Variants in NUBP2 observed in about 807,000 individuals in gnomAD.
NUBP2 encodes the protein NUBP iron-sulfur cluster assembly factor 2, cytosolic, also known as cytosolic Fe-S cluster assembly factor NUBP2.
A neutral mutation model predicts 24.9 loss-of-function variants in NUBP2; 23 were observed. The ratio of observed to expected loss-of-function variants is 0.92; its 90% confidence interval spans 0.66 to 1.31. The LOEUF (loss-of-function observed/expected upper bound fraction) is 1.31, where lower values mean the gene tolerates loss of function less well. Among genes scored for constraint, NUBP2 ranks in the 50% most tolerant of loss-of-function variants. NUBP2 has a pLI of 0.00. For missense variants in NUBP2, 403 were observed against 386.5 expected, an observed-to-expected ratio of 1.04 and a Z score of -0.36; for synonymous variants, 186 against 170.9, an observed-to-expected ratio of 1.09 and a Z score of -0.69.
rs924176784 is a variant in NUBP2 at position 1,783,036 on chromosome 16, G to C, written c.16G>C (p.Glu6Gln). 3 of 1,360,294 alleles carry C rather than the reference G, an allele frequency of 2.2e-6. No individual in the cohort carries two copies. The highest frequency in any genetic ancestry group is 1.6e-5 in the South Asian group (1 of 61,694). The allele number at this position is 1,360,294 out of a possible 1,614,324, so 84.3% of individuals were successfully genotyped here. A position where few individuals can be genotyped will look rare whatever the true frequency, so the allele number is the denominator to read the frequency against. MEAAA[E>Q]PGNLAGVRHI... The stretch of plus-strand genomic sequence containing the variant: ...AGGCGGCGGGATGGAGGCGGCGGCC[G>C]GTGAGTGGCGGGCCAGGGTGCGGAG... The change falls in exon 1 of 7, where the codon GAG becomes CAG. Residue 6 changes from glutamate (E) to glutamine (Q), a missense_variant and splice_region_variant. Coordinates refer to ENST00000262302, the MANE Select transcript of NUBP2 (RefSeq NM_012225.4).
chr16:1,786,977 C>G, intron 3 of NUBP2, 22 bp downstream of exon 3: 1 of 1,503,582 alleles, frequency 6.7e-7, no homozygotes, highest in Non-Finnish European at 8.9e-7. Flanking sequence ...GCGGCGCGTC[C>G]GCCGTCCTGG....
At chr16:1,787,067 C>T (rs1225041239) in intron 3 of NUBP2, 112 bp downstream of exon 3, 2 of 1,030,950 alleles carry the variant, frequency 1.9e-6, no homozygotes, top group African/African-American at 3.2e-5. Flanking sequence ...TGGGGACCTG[C>T]ACATGACACC....
Position 1,786,641 on chromosome 16 carries a change from C to T in NUBP2, c.121C>T (p.His41Tyr). The T allele has an allele frequency of 4.3e-6, 7 of 1,612,792 alleles. No homozygotes were observed. Among genetic ancestry groups the T allele is most frequent in the Non-Finnish European group, 5.1e-6 (6 of 1,179,906 alleles). ...ISTELALALR[H>Y]AGKKVGILDV... is the part of the protein sequence containing the mutation. ...CACGGAGCTGGCCCTGGCACTGCGC[C>T]ATGCAGGCAAGAAGGTGAGCGCCCT... is the stretch of plus-strand genomic sequence containing the variant. Residue 41 changes from histidine to tyrosine, a missense_variant, in exon 2 of 7, where the codon CAT becomes TAT. Transcript: ENST00000262302.
At chr16:1,786,465 G>C in intron 1 of NUBP2, 72 bp from the exon 2 acceptor site, 1 of 1,330,096 alleles carries the variant, frequency 7.5e-7, no homozygotes. Flanking sequence ...GCAAGAGGCA[G>C]TGGGTGACCC....
At chr16:1,783,182 C>T (rs1314363399) in intron 1 of NUBP2, 146 bp downstream of exon 1, 44 of 1,178,962 alleles carry the variant, frequency 3.7e-5, no homozygotes, top group Admixed American at 4.6e-5. Context: ...GAGGCCGCGG[C>T]GCGGGCATTT....
chr16:1,788,199 CCTT>C lies in NUBP2; in HGVS notation c.666_668del (p.Phe222del). 1 of 1,492,644 alleles carries C rather than the reference CCTT, an allele frequency of 6.7e-7. No individual in the cohort carries two copies. The highest frequency in any genetic ancestry group is 8.9e-7 in the Non-Finnish European group (1 of 1,124,764). 92.5% of individuals were successfully genotyped at this position (1,492,644 alleles called of 1,614,324 possible). ...GAGCTGGCCCAGCTCGCCGGGGTGC[CCTT>C]CTTAGGTGAGTGTCCCAAGCTGGTG... On this transcript the variant is annotated inframe_deletion, in exon 6 of 7. Transcript: ENST00000262302.
intron 1 of NUBP2, chr16:1,784,800 G>A (rs1167933455): frequency 6.6e-6 from 1 of 151,640 alleles, no homozygotes; most frequent in Non-Finnish European, 1.5e-5. Context: ...AGCACTTTGG[G>A]AGGCCGAGGC....
At chr16:1,788,542 C>G in intron 6 of NUBP2, 27 bp from the exon 7 acceptor site, 1 of 1,575,862 alleles carries the variant, frequency 6.3e-7, no homozygotes, top group Non-Finnish European at 8.6e-7. Flanking sequence ...GCGGACATGG[C>G]GCCACCGCCT....
At chr16:1,785,665 C>G (rs772931248) in intron 1 of NUBP2, 1 of 1,288,710 alleles carries the variant, frequency 7.8e-7, no homozygotes, top group Non-Finnish European at 1.0e-6. Flanking sequence ...CTGCCTTTTC[C>G]GCGTCCCCTG....
chr16:1,787,711 G>T lies in NUBP2; in HGVS notation c.369G>T (p.Trp123Cys), dbSNP rs1355307034. The T allele has an allele frequency of 3.7e-6, 6 of 1,612,654 alleles. No homozygotes were observed. Among genetic ancestry groups the T allele is most frequent in the Non-Finnish European group, 5.1e-6 (6 of 1,179,916 alleles). ...AGCAGTTTGTGTCCGACGTGGCCTG[G>T]GGGGAGCTGGACTACCTGGTGGTGG... ...LIKQFVSDVA[W>C]GELDYLVVDT... Residue 123 changes from tryptophan to cysteine, a missense_variant, in exon 4 of 7, where the codon TGG (tryptophan) becomes TGT (cysteine). Physicochemically the swap from Trp to Cys is radical, Grantham distance 215. Coordinates refer to ENST00000262302, the MANE Select transcript of NUBP2 (RefSeq NM_012225.4).
chr16:1,788,308 G>A (rs1897087192), intron 6 of NUBP2, 101 bp downstream of exon 6: 4 of 1,212,524 alleles, frequency 3.3e-6, no homozygotes, highest in Admixed American at 3.1e-5. Context: ...GAGAGGAGGG[G>A]ACGGGAGCGG....
At position 1,787,751 on chromosome 16, in the gene NUBP2, A is replaced by G. The variant is rs1897048164; in HGVS notation, c.409A>G (p.Thr137Ala). 6.2e-7 allele frequency: 1 copy of G among 1,612,452 alleles called. No homozygotes were observed. The change falls in exon 4 of 7, where the codon ACC becomes GCC. Residue 137 changes from threonine (T) to alanine (A), a missense_variant. Coordinates refer to ENST00000262302, the MANE Select transcript of NUBP2 (RefSeq NM_012225.4). ...CCTGGTGGTGGACACGCCCCCGGGG[A>G]CCTCCGATGAGCACATGGCCACCAT... The part of the protein sequence containing the change: ...DYLVVDTPPG[T>A]SDEHMATIEA...
chr16:1,787,237 A>G (rs1357780728), intron 3 of NUBP2: 2 of 437,288 alleles, frequency 4.6e-6, no homozygotes, highest in Non-Finnish European at 8.2e-6. Flanking sequence ...TCATAGGGGC[A>G]GAGCTGAGGG....
chr16:1,784,128 T>C (rs1896852473), intron 1 of NUBP2: 1 of 773,568 alleles, frequency 1.3e-6, no homozygotes, highest in Non-Finnish European at 1.6e-6. Context: ...GTCTTAACTG[T>C]CGCCAAGGCT....
intron 1 of NUBP2, chr16:1,786,293 A>G: frequency 3.7e-6 from 2 of 540,812 alleles, no homozygotes; most frequent in Non-Finnish European, 3.3e-6. Context: ...CACTCTCAGC[A>G]GCGCCGCCTC....
rs541105588 is a variant in NUBP2 at position 1,788,915 on chromosome 16, T to A, written c.*201T>A. The A allele has an allele frequency of 3.2e-6, 2 of 629,544 alleles. No individual in the cohort carries two copies. The highest frequency in any genetic ancestry group is 5.9e-5 in the East Asian group (2 of 33,658). The allele number at this position is 629,544 out of a possible 1,614,324, so 39.0% of individuals were successfully genotyped here. A position where few individuals can be genotyped will look rare whatever the true frequency, so the allele number is the denominator to read the frequency against. ...GCCTGGTTGGCCTGCAGTGCCGTGG[T>A]CTGCGTGCTCTGCAGCTGTGAGACG... On this transcript the variant is annotated 3_prime_UTR_variant, in exon 7 of 7. Transcript: ENST00000262302.
chr16:1,786,479 G>GT, intron 1 of NUBP2, 58 bp from the exon 2 acceptor site: 1 of 1,436,304 alleles, frequency 7.0e-7, no homozygotes. Flanking sequence ...GTGACCCCGC[G>GT]TGTGTGGGCA....
chr16:1,788,852 A>T lies in NUBP2; in HGVS notation c.*138A>T. Reference sequence around the variant, plus strand: ...GCGTCAGCCGGAGAGCTTCTCCCCGACCAGCCCAGCCCCAGGATGTGTCGC... The same window carrying T: ...GCGTCAGCCGGAGAGCTTCTCCCCGTCCAGCCCAGCCCCAGGATGTGTCGC... On this transcript the variant is annotated 3_prime_UTR_variant, in exon 7 of 7. Coordinates refer to ENST00000262302, the MANE Select transcript of NUBP2 (RefSeq NM_012225.4). 13 of 1,119,608 alleles carry T rather than the reference A, an allele frequency of 1.2e-5. No individual in the cohort carries two copies. The highest frequency in any genetic ancestry group is 1.5e-5 in the Non-Finnish European group (12 of 817,986). The allele number at this position is 1,119,608 out of a possible 1,614,324, so 69.4% of individuals were successfully genotyped here.
Position 1,786,499 on chromosome 16 carries a change from C to T in NUBP2, c.17-38C>T, listed in dbSNP as rs752513375. ...CCCGCGTGTGTGGGCACAGTGGGCA[C>T]CAGGAGCCCTGACCTTCTCTGTCGT... is the stretch of plus-strand genomic sequence containing the variant. On this transcript the variant is annotated intron_variant, in intron 1 of 6. Coordinates refer to ENST00000262302, the MANE Select transcript of NUBP2 (RefSeq NM_012225.4). 1.4e-5 allele frequency: 21 copies of T among 1,540,580 alleles called. 1 individual carries two copies. The South Asian group carries it at 1.8e-4, about 13-fold the overall frequency.
Sources: gnomAD v4.1 joint callset for allele counts on GRCh38, gnomAD v4.1.1 for gene constraint, MANE v1.5 for transcripts, NCBI Gene and HGNC (gene_info 2026-07-23, HGNC 2026-07-21) for gene names.